PIWIL2: variants seen among roughly 807,000 people sequenced by gnomAD.
PIWIL2 encodes piwi-like protein 2.
PIWIL2 carries 81 observed loss-of-function variants against 116.5 expected under a neutral mutation model. The ratio of observed to expected loss-of-function variants is 0.70; its 90% CI spans 0.58 to 0.84. The LOEUF (loss-of-function observed/expected upper bound fraction) is 0.84, where lower values mean the gene tolerates loss of function less well. Ranked by LOEUF, PIWIL2 falls within the 40% of genes least tolerant of loss-of-function variation. The probability of loss-of-function intolerance (pLI) is 0.00; values close to 1 mark genes in which losing one functional copy is unlikely to be tolerated. For missense variants in PIWIL2, 1,272 were observed against 1,212.3 expected (o/e 1.05, Z -0.73); for synonymous variants, 489 against 429.5 (o/e 1.14, Z -1.71).
chr8:22,277,733 A>G (rs575066661), intron 1 of PIWIL2, among the ~76,000 whole-genome samples: 143 of 152,352 alleles, frequency 9.4e-4, no homozygotes, highest in African/African-American at 3.3e-3. Context: ...AAGCAGCTAA[A>G]CAGATCAAGG....
chr8:22,338,083 A>T (rs542573552), intron 20 of PIWIL2, among the ~76,000 whole-genome samples: 1 of 151,724 alleles, frequency 6.6e-6, no homozygotes. Flanking sequence ...CAAGAGCGAG[A>T]CTCCATCTCA....
chr8:22,281,377 G>T lies in PIWIL2; in HGVS notation c.287G>T (p.Gly96Val), dbSNP rs888043939. 1.2e-6 allele frequency: 2 copies of T among 1,609,060 alleles called. No individual in the cohort carries two copies. The highest frequency in any genetic ancestry group is 1.7e-6 in the Non-Finnish European group (2 of 1,178,942). Residue 96 changes from glycine to valine, a missense_variant and splice_region_variant, in exon 4 of 23, where the codon GGT (glycine) becomes GTT (valine). Gly to Val is a moderately radical substitution (Grantham distance 109, BLOSUM62 -3). Coordinates refer to ENST00000356766, the MANE Select transcript of PIWIL2 (RefSeq NM_018068.5). The stretch of plus-strand genomic sequence containing the variant: ...GCTGGGGTTCGGTTCTTTCTTTCAG[G>T]TAGAGGCATTTTAGGTCGAGGCTTG... Reference protein sequence around the residue: ...TPLKREMLPSGRGILGRGLSA... With the variant: ...TPLKREMLPSVRGILGRGLSA...
At chr8:22,283,307 G>A in intron 5 of PIWIL2, 67 bp downstream of exon 5, 1 of 1,266,790 alleles carries the variant, frequency 7.9e-7, no homozygotes, top group Non-Finnish European at 1.1e-6. Flanking sequence ...TGGCTCGTGT[G>A]TAGTATTGTA....
At chr8:22,351,440 CATATATATAT>C (rs71544885) in intron 20 of PIWIL2, among the ~76,000 whole-genome samples, 1,187 of 52,916 alleles carry the variant, frequency 0.022, 37 homozygotes, top group Non-Finnish European at 0.022. Flanking sequence ...TGCATACATA[CATATATATAT>C]ATATATATAT....
intron 10 of PIWIL2, among the ~76,000 whole-genome samples, chr8:22,300,539 C>G (rs567066414): frequency 1.3e-5 from 2 of 152,228 alleles, no homozygotes; most frequent in Admixed American, 6.5e-5. Context: ...AGCGGAATGG[C>G]GAGTCATATG....
intron 16 of PIWIL2, 87 bp downstream of exon 16, chr8:22,311,387 G>A (rs948432617): frequency 7.5e-6 from 8 of 1,064,088 alleles, no homozygotes; most frequent in Middle Eastern, 2.8e-4. Context: ...TTATCAGTCT[G>A]CTGTTGATGA....
At chr8:22,317,784 C>T (rs1044538458) in intron 19 of PIWIL2, among the ~76,000 whole-genome samples, 24 of 152,122 alleles carry the variant, frequency 1.6e-4, no homozygotes, top group African/African-American at 4.8e-4. Flanking sequence ...CTCAGCCTCC[C>T]GAGTAGCTGG....
At chr8:22,286,401 A>G (rs558058180) in intron 6 of PIWIL2, among the ~76,000 whole-genome samples, 2 of 152,200 alleles carry the variant, frequency 1.3e-5, no homozygotes, top group Non-Finnish European at 2.9e-5. Flanking sequence ...CTGAGCACAT[A>G]CAACAGGTAG....
chr8:22,286,795 T>G (rs1423479370), intron 6 of PIWIL2, among the ~76,000 whole-genome samples: 2 of 151,968 alleles, frequency 1.3e-5, no homozygotes, highest in Non-Finnish European at 2.9e-5. Context: ...CTAATTTTTT[T>G]GTATTTTTAG....
chr8:22,323,009 C>T (rs1403442066), intron 20 of PIWIL2, among the ~76,000 whole-genome samples: 2 of 151,652 alleles, frequency 1.3e-5, no homozygotes, highest in African/African-American at 4.8e-5. Context: ...TTCCGCCTCC[C>T]CGGTTCAAGC....
At chr8:22,284,011 G>T (rs937507096) in intron 5 of PIWIL2, 151 bp from the exon 6 acceptor site, 1 of 511,194 alleles carries the variant, frequency 2.0e-6, no homozygotes, top group Non-Finnish European at 3.4e-6. Context: ...GCTTGCTTCT[G>T]TAAGTGTTGC....
Position 22,356,238 on chromosome 8 carries a change from G to A in PIWIL2, c.*733G>A, listed in dbSNP as rs1256995765. The A allele has an allele frequency of 6.6e-6, 1 of 152,136 alleles. No individual in the cohort carries two copies. Among genetic ancestry groups the A allele is most frequent in the Non-Finnish European group, 1.5e-5 (1 of 68,034 alleles). The allele number at this position is 152,136 out of a possible 1,614,324, so 9.4% of individuals were successfully genotyped here. A position where few individuals can be genotyped will look rare whatever the true frequency, so the allele number is the denominator to read the frequency against. ...TACTCAGGCAACTGGGAAAGGCAGTGGAAGGTCTGTGAAGCAAAGTTTTCA... is the reference window on the plus strand; with the variant it reads ...TACTCAGGCAACTGGGAAAGGCAGTAGAAGGTCTGTGAAGCAAAGTTTTCA... On this transcript the variant is annotated 3_prime_UTR_variant, in exon 23 of 23. Coordinates refer to ENST00000356766, the MANE Select transcript of PIWIL2 (RefSeq NM_018068.5).
intron 20 of PIWIL2, among the ~76,000 whole-genome samples, chr8:22,337,660 G>A (rs1832010425): frequency 6.6e-6 from 1 of 151,960 alleles, no homozygotes; most frequent in Non-Finnish European, 1.5e-5. Flanking sequence ...TACCTGGGAG[G>A]CGGAGGTTGC....
chr8:22,322,320 G>T (rs1450691136), intron 20 of PIWIL2, among the ~76,000 whole-genome samples: 1 of 151,440 alleles, frequency 6.6e-6, no homozygotes, highest in Admixed American at 6.6e-5. Flanking sequence ...TCACAGTCTC[G>T]GTTCACTGCA....
At chr8:22,347,643 C>T (rs558434832) in intron 20 of PIWIL2, among the ~76,000 whole-genome samples, 100 of 151,256 alleles carry the variant, frequency 6.6e-4, no homozygotes, top group Non-Finnish European at 1.1e-3. Flanking sequence ...TCTCCTACCT[C>T]AGCCTCCTGA....
At position 22,345,482 on chromosome 8, in the gene PIWIL2, G is replaced by A. The variant is rs542431510; in HGVS notation, c.2404-7477G>A. Among the ~76,000 whole-genome samples the A allele has an allele frequency of 5.2e-4, 79 of 152,036 alleles. 1 individual carries two copies. Among genetic ancestry groups the A allele is most frequent in the Admixed American group, 1.6e-3 (25 of 15,274 alleles). On this transcript the variant is annotated intron_variant, in intron 20 of 22. Coordinates refer to ENST00000356766, the MANE Select transcript of PIWIL2 (RefSeq NM_018068.5). ...TTGAGACCAGCCTGGGCAACATGGC[G>A]AAACCGCATCTCTAGTAAAAATACA...
At chr8:22,340,121 C>T (rs1832075196) in intron 20 of PIWIL2, among the ~76,000 whole-genome samples, 1 of 129,832 alleles carries the variant, frequency 7.7e-6, no homozygotes, top group Admixed American at 1.0e-4. Context: ...GGTGCAATCT[C>T]AGCTCACCGC....
At position 22,350,915 on chromosome 8, in the gene PIWIL2, C is replaced by T. The variant is rs577927401; in HGVS notation, c.2404-2044C>T. Reference sequence around the variant, plus strand: ...CAGTACTTTGGGAGGCCAAGGTAGGCGGATGACCTGAGGTCAGGAGTTTGA... The same window carrying T: ...CAGTACTTTGGGAGGCCAAGGTAGGTGGATGACCTGAGGTCAGGAGTTTGA... On this transcript the variant is annotated intron_variant, in intron 20 of 22. Transcript: ENST00000356766. 2.9e-4 allele frequency among the ~76,000 whole-genome samples: 44 copies of T among 152,148 alleles called. 1 individual carries two copies. Among genetic ancestry groups the T allele is most frequent in the African/African-American group, 7.7e-4 (32 of 41,518 alleles).
chr8:22,300,905 T>G (rs1344548268), intron 10 of PIWIL2, among the ~76,000 whole-genome samples: 1 of 152,226 alleles, frequency 6.6e-6, no homozygotes, highest in Non-Finnish European at 1.5e-5. Context: ...AGATACTTTA[T>G]CAGGTGAATG....
Sources: gnomAD v4.1 joint callset for allele counts (sites outside exome capture counted in the v4.1 genomes callset) on GRCh38, gnomAD v4.1.1 for gene constraint, MANE v1.5 for transcripts, NCBI Gene and HGNC (gene_info 2026-07-23, HGNC 2026-07-21) for gene names.